Variants in PARD3B observed in about 807,000 individuals in gnomAD.
The protein encoded by PARD3B is partitioning defective 3 homolog B.
Under a neutral mutation model 130.2 loss-of-function variants are expected in PARD3B, and 103 were observed. The observed-to-expected ratio is 0.79, with a 90% confidence interval of 0.67 to 0.93. The LOEUF (loss-of-function observed/expected upper bound fraction) is 0.93, where lower values mean the gene tolerates loss of function less well. PARD3B is among the 40% of genes least tolerant of loss of function. The pLI, the probability that PARD3B is intolerant of heterozygous loss-of-function variation, is 0.00. For missense variants in PARD3B, 1,609 were observed against 1,499.2 expected (o/e 1.07, Z -1.21); for synonymous variants, 583 against 553.2 (o/e 1.05, Z -0.76).
At chr2:205,213,321 A>G (rs1019905861) in intron 15 of PARD3B, among the ~76,000 whole-genome samples, 7 of 152,132 alleles carry the variant, frequency 4.6e-5, no homozygotes, top group Non-Finnish European at 1.0e-4. Flanking sequence ...TTAGCACAGA[A>G]TGGCATACTC....
chr2:205,018,747 A>AAAAAAAAAAAAAAC (rs1696359667), intron 3 of PARD3B, among the ~76,000 whole-genome samples: 1 of 131,202 alleles, frequency 7.6e-6, no homozygotes, highest in Non-Finnish European at 1.7e-5. Context: ...AAAAAAAAAA[A>AAAAAAAAAAAAAAC]AAAGCACGCT....
intron 11 of PARD3B, among the ~76,000 whole-genome samples, chr2:205,159,591 G>A (rs1313372020): frequency 6.6e-6 from 1 of 152,138 alleles, no homozygotes; most frequent in Admixed American, 6.5e-5. Flanking sequence ...TTTCCTCACC[G>A]GTAGAATGGT....
chr2:205,367,235 C>T (rs1031877883), intron 18 of PARD3B, among the ~76,000 whole-genome samples: 1 of 152,108 alleles, frequency 6.6e-6, no homozygotes, highest in Non-Finnish European at 1.5e-5. Flanking sequence ...AAGATGCCAG[C>T]CTTATTTCGT....
intron 1 of PARD3B, among the ~76,000 whole-genome samples, chr2:204,595,667 A>C (rs1226136239): frequency 2.6e-5 from 4 of 152,254 alleles, no homozygotes; most frequent in Non-Finnish European, 4.4e-5. Flanking sequence ...AGGTCTTTTT[A>C]TCACTTTGGA....
chr2:205,608,618 C>T (rs766304236), intron 22 of PARD3B, among the ~76,000 whole-genome samples: 1 of 152,144 alleles, frequency 6.6e-6, no homozygotes, highest in Non-Finnish European at 1.5e-5. Flanking sequence ...AAAAACCTCT[C>T]ATCCCCTCAT....
At chr2:204,733,187 T>G (rs1473779699) in intron 2 of PARD3B, among the ~76,000 whole-genome samples, 1 of 152,156 alleles carries the variant, frequency 6.6e-6, no homozygotes, top group Non-Finnish European at 1.5e-5. Context: ...TGTAATAGAT[T>G]GCAATATATT....
Position 205,183,320 on chromosome 2 carries a change from A to G in PARD3B, c.1925-2444A>G, listed in dbSNP as rs1416404496. Among the ~76,000 whole-genome samples, 1 of 152,200 alleles carries G rather than the reference A, an allele frequency of 6.6e-6. No individual in the cohort carries two copies. The highest frequency in any genetic ancestry group is 2.4e-5 in the African/African-American group (1 of 41,448). ...GAAGTGATTTTGAGCAACAAGTTACATGATCACAAATACGTTCACCATCAC... is the reference window on the plus strand; with the variant it reads ...GAAGTGATTTTGAGCAACAAGTTACGTGATCACAAATACGTTCACCATCAC... On this transcript the variant is annotated intron_variant, in intron 13 of 22. Transcript: ENST00000406610. This position sits in a 1 kb window ranked among gnomAD's most constrained non-coding sequence, Gnocchi z 5.2.
At chr2:205,547,238 T>A (rs539365731) in intron 21 of PARD3B, among the ~76,000 whole-genome samples, 19 of 152,278 alleles carry the variant, frequency 1.2e-4, no homozygotes, top group African/African-American at 1.2e-4. Context: ...ACAATCAGTG[T>A]TTATTTATTA....
chr2:204,827,998 A>G (rs1053671189), intron 2 of PARD3B, among the ~76,000 whole-genome samples: 1 of 151,496 alleles, frequency 6.6e-6, no homozygotes, highest in Non-Finnish European at 1.5e-5. Flanking sequence ...TAACTCAAAG[A>G]TTAGCCTAAT....
rs542413216 is a variant in PARD3B at position 204,943,585 on chromosome 2, A to G, written c.223-21567A>G. On this transcript the variant is annotated intron_variant, in intron 2 of 22. Coordinates refer to ENST00000406610, the MANE Select transcript of PARD3B (RefSeq NM_001302769.2). This position sits in a 1 kb window ranked among gnomAD's most constrained non-coding sequence, Gnocchi z 4.2. ...AATGGCTTGTGCCATGAGAAACCAA[A>G]CTGTGATTACTAGGGAAGATTTCTT... Among the ~76,000 whole-genome samples, 3 of 152,314 alleles carry G rather than the reference A, an allele frequency of 2.0e-5. No individual in the cohort carries two copies. The highest frequency in any genetic ancestry group is 6.5e-5 in the Admixed American group (1 of 15,304).
intron 21 of PARD3B, among the ~76,000 whole-genome samples, chr2:205,510,206 A>G (rs1244673271): frequency 6.6e-6 from 1 of 152,236 alleles, no homozygotes; most frequent in Non-Finnish European, 1.5e-5. Context: ...TATGACACAC[A>G]CATGATTACA....
chr2:204,780,439 A>T lies in PARD3B; in HGVS notation c.222+94157A>T, dbSNP rs139398552. ...AGAAAGGAAAGCCTGCATGAAACAG[A>T]TTTTTTAAATAATTTATACATAATA... On this transcript the variant is annotated intron_variant, in intron 2 of 22. Transcript: ENST00000406610. Among the ~76,000 whole-genome samples, 5 of 152,314 alleles carry T rather than the reference A, an allele frequency of 3.3e-5. No homozygotes were observed. In the South Asian group the frequency reaches 1.0e-3, roughly 32 times the overall value.
chr2:204,557,809 C>G (rs973569890), intron 1 of PARD3B, among the ~76,000 whole-genome samples: 1 of 152,156 alleles, frequency 6.6e-6, no homozygotes, highest in Non-Finnish European at 1.5e-5. Flanking sequence ...GTTTCAAATT[C>G]TGACAGGTTG....
rs538569183 is a variant in PARD3B at position 204,690,547 on chromosome 2, A to C, written c.222+4265A>C. On this transcript the variant is annotated intron_variant, in intron 2 of 22. Coordinates refer to ENST00000406610, the MANE Select transcript of PARD3B (RefSeq NM_001302769.2). ...CCAATGCCAGCTGTGAAGATGGAGA[A>C]GGTGCCACCAGCGAAGAATGTAGCT... Among the ~76,000 whole-genome samples, 181 of 152,244 alleles carry C rather than the reference A, an allele frequency of 1.2e-3. 1 individual carries two copies. The highest frequency in any genetic ancestry group is 2.2e-3 in the Non-Finnish European group (148 of 67,992).
chr2:205,500,151 T>G (rs1323615741), intron 21 of PARD3B, 120 bp downstream of exon 21: 2 of 1,193,674 alleles, frequency 1.7e-6, no homozygotes, highest in Non-Finnish European at 2.3e-6. Context: ...TTGGGCTTCA[T>G]AGACAGGAAC....
At position 205,129,716 on chromosome 2, in the gene PARD3B, G is replaced by A. The variant is rs544514922; in HGVS notation, c.1434+3979G>A. Among the ~76,000 whole-genome samples the A allele has an allele frequency of 6.1e-4, 93 of 152,270 alleles. 1 individual carries two copies. Among genetic ancestry groups the A allele is most frequent in the African/African-American group, 1.7e-3 (71 of 41,554 alleles). ...AGCACTGCACTGCCTAGTTTCCGAC[G>A]CTTAAATCTTCCTTACTTCCTTGTT... On this transcript the variant is annotated intron_variant, in intron 10 of 22. Transcript: ENST00000406610.
chr2:205,185,818 C>T lies in PARD3B; in HGVS notation c.1979C>T (p.Thr660Ile), dbSNP rs771326950. Residue 660 changes from threonine to isoleucine, a missense_variant, in exon 14 of 23, where the codon ACA (threonine) becomes ATA (isoleucine). Thr to Ile is a moderately conservative substitution (Grantham distance 89). Transcript: ENST00000406610. ...WAESEVPPSPTPHSALGLGLE... is the reference protein window; with the variant it reads ...WAESEVPPSPIPHSALGLGLE... ...GAGAGTGAAGTTCCACCTTCTCCAA[C>T]ACCACATTCTGCTCTGGGATTGGGC... 2 of 1,614,118 alleles carry T rather than the reference C, an allele frequency of 1.2e-6. No individual in the cohort carries two copies. Among genetic ancestry groups the T allele is most frequent in the Non-Finnish European group, 1.7e-6 (2 of 1,179,984 alleles).
intron 2 of PARD3B, among the ~76,000 whole-genome samples, chr2:204,868,985 A>G (rs1321901441): frequency 1.3e-5 from 2 of 152,214 alleles, no homozygotes; most frequent in African/African-American, 4.8e-5. Flanking sequence ...ACATGAAGTT[A>G]CATGTATTTA....
intron 3 of PARD3B, among the ~76,000 whole-genome samples, chr2:204,998,702 T>C (rs914942754): frequency 2.0e-5 from 3 of 151,950 alleles, no homozygotes; most frequent in Admixed American, 6.6e-5. Flanking sequence ...TCGCTTTTCA[T>C]CTATTAATAT....
Sources: gnomAD v4.1 joint callset for allele counts (sites outside exome capture counted in the v4.1 genomes callset) on GRCh38, gnomAD v4.1.1 for gene constraint, Gnocchi (gnomAD v3.1) non-coding constraint, MANE v1.5 for transcripts, NCBI Gene and HGNC (gene_info 2026-07-23, HGNC 2026-07-21) for gene names.